Variants in RBM26 observed in about 807,000 individuals in gnomAD.
RBM26 encodes RNA-binding protein 26.
RBM26 carries 30 observed loss-of-function variants against 123.6 expected under a neutral mutation model. The ratio of observed to expected loss-of-function variants is 0.24; its 90% CI spans 0.18 to 0.33. The LOEUF (loss-of-function observed/expected upper bound fraction) is 0.33, where lower values mean the gene tolerates loss of function less well. Among genes scored for constraint, RBM26 ranks in the 10% least tolerant of loss-of-function variants. The probability of loss-of-function intolerance (pLI) is 1.00; values close to 1 mark genes in which losing one functional copy is unlikely to be tolerated. For synonymous variants in RBM26, 400 were observed against 404.4 expected, an observed-to-expected ratio of 0.99 and a Z score of 0.13; for missense variants, 947 against 1,203.6, an observed-to-expected ratio of 0.79 and a Z score of 3.15.
chr13:79,370,903 A>G, intron 5 of RBM26, 42 bp downstream of exon 5: 1 of 1,566,586 alleles, frequency 6.4e-7, no homozygotes, highest in Non-Finnish European at 8.7e-7. Flanking sequence ...ACATTTAAAC[A>G]TGGAGTTTTT....
intron 20 of RBM26, among the ~76,000 whole-genome samples, chr13:79,326,721 T>C (rs1046193538): frequency 2.6e-5 from 4 of 152,052 alleles, no homozygotes; most frequent in African/African-American, 9.7e-5. Flanking sequence ...ACTTAAATTA[T>C]CTCAGAAAGC....
chr13:79,386,590 T>TCAAAAAA (rs1566561287), intron 1 of RBM26, among the ~76,000 whole-genome samples: 5 of 22,114 alleles, frequency 2.3e-4, no homozygotes, highest in African/African-American at 3.1e-4. Flanking sequence ...AACTCTCTCT[T>TCAAAAAA]TAAAAAAAAA....
intron 9 of RBM26, 86 bp downstream of exon 9, chr13:79,365,492 T>C (rs2075166306): frequency 1.8e-6 from 2 of 1,088,240 alleles, no homozygotes; most frequent in African/African-American, 3.2e-5. Context: ...CCAACCCCAA[T>C]AAAGGCAAGA....
intron 6 of RBM26, among the ~76,000 whole-genome samples, chr13:79,367,514 T>A (rs1398531012): frequency 6.7e-6 from 1 of 148,484 alleles, no homozygotes; most frequent in Non-Finnish European, 1.5e-5. Context: ...GTCATGGGGG[T>A]AGATCCTTCA....
At chr13:79,345,813 G>A (rs770044938) in intron 14 of RBM26, among the ~76,000 whole-genome samples, 4 of 151,952 alleles carry the variant, frequency 2.6e-5, no homozygotes, top group African/African-American at 7.3e-5. Flanking sequence ...ATGACTATAG[G>A]TCAGAGTGGA....
Position 79,359,424 on chromosome 13 carries a change from T to A in RBM26, c.1529+151A>T, listed in dbSNP as rs1021612347. 5 of 465,450 alleles carry A rather than the reference T, an allele frequency of 1.1e-5. No individual in the cohort carries two copies. The South Asian group carries it at 1.5e-4, about 14-fold the overall frequency. 28.8% of individuals were successfully genotyped at this position (465,450 alleles called of 1,614,324 possible). A position where few individuals can be genotyped will look rare whatever the true frequency, so the allele number is the denominator to read the frequency against. ...GCTTTTCTAACATCAGACAACTAAC[T>A]TGCCAATTTTTAGAAAACTCACACT... On this transcript the variant is annotated intron_variant, in intron 10 of 21. Transcript: ENST00000438737.
intron 1 of RBM26, among the ~76,000 whole-genome samples, chr13:79,381,280 C>T (rs1209380844): frequency 6.6e-6 from 1 of 152,038 alleles, no homozygotes; most frequent in Admixed American, 6.6e-5. Flanking sequence ...CACTAGACTG[C>T]CTCTTACAAC....
At chr13:79,334,957 A>T (rs1189903300) in intron 19 of RBM26, among the ~76,000 whole-genome samples, 2 of 152,278 alleles carry the variant, frequency 1.3e-5, no homozygotes, top group East Asian at 3.9e-4. Context: ...GGTTTTGCTT[A>T]CTACACACTC....
chr13:79,394,777 G>A (rs1594731204), intron 1 of RBM26, among the ~76,000 whole-genome samples: 1 of 152,276 alleles, frequency 6.6e-6, no homozygotes, highest in East Asian at 1.9e-4. Context: ...GGGATTACAG[G>A]CACCCATAAC....
intron 1 of RBM26, among the ~76,000 whole-genome samples, chr13:79,390,403 A>G (rs1449047967): frequency 6.6e-6 from 1 of 152,180 alleles, no homozygotes; most frequent in African/African-American, 2.4e-5. Flanking sequence ...ACTAATATAT[A>G]GTGTAAAAAA....
Position 79,385,557 on chromosome 13 carries a change from C to G in RBM26, c.72-6650G>C, listed in dbSNP as rs559120569. 3.3e-5 allele frequency among the ~76,000 whole-genome samples: 5 copies of G among 152,272 alleles called. No homozygotes were observed. In the South Asian group the frequency reaches 1.0e-3, roughly 32 times the overall value. ...ATCTTACTTTTAGAACAGTGGTTCT[C>G]AAACTTTTTGGTATCAGGAGCCCTC... On this transcript the variant is annotated intron_variant, in intron 1 of 21. Coordinates refer to ENST00000438737, the MANE Select transcript of RBM26 (RefSeq NM_001366735.2).
At chr13:79,405,588 G>A in intron 1 of RBM26, 116 bp downstream of exon 1, 1 of 587,246 alleles carries the variant, frequency 1.7e-6, no homozygotes. Context: ...AGAACCCTGG[G>A]ACCTCCGTTC....
intron 16 of RBM26, among the ~76,000 whole-genome samples, chr13:79,343,285 A>T (rs993207374): frequency 4.6e-5 from 7 of 151,868 alleles, no homozygotes; most frequent in Non-Finnish European, 1.0e-4. Flanking sequence ...TATTAGAAAA[A>T]ATGAATGTTT....
intron 1 of RBM26, among the ~76,000 whole-genome samples, chr13:79,383,551 T>C (rs2077236262): frequency 6.6e-6 from 1 of 152,196 alleles, no homozygotes; most frequent in Admixed American, 6.5e-5. Flanking sequence ...TTAGTGATTA[T>C]CGTCCAAATA....
intron 1 of RBM26, among the ~76,000 whole-genome samples, chr13:79,397,757 G>A (rs1189192497): frequency 6.7e-6 from 1 of 149,738 alleles, no homozygotes; most frequent in Non-Finnish European, 1.5e-5. Flanking sequence ...TGATGAGATT[G>A]GTAGAAGAAA....
At chr13:79,401,763 C>T (rs576981316) in intron 1 of RBM26, among the ~76,000 whole-genome samples, 1 of 152,234 alleles carries the variant, frequency 6.6e-6, no homozygotes, top group African/African-American at 2.4e-5. Flanking sequence ...TCCTATTATA[C>T]CAATAAGGAA....
At chr13:79,320,799 C>G in intron 21 of RBM26, 89 bp from the exon 22 acceptor site, 1 of 1,280,258 alleles carries the variant, frequency 7.8e-7, no homozygotes, top group Non-Finnish European at 1.0e-6. Flanking sequence ...TCATCTCTCT[C>G]AACAGAGTTG....
At chr13:79,398,025 T>C (rs1349736919) in intron 1 of RBM26, among the ~76,000 whole-genome samples, 2 of 152,178 alleles carry the variant, frequency 1.3e-5, no homozygotes, top group Admixed American at 1.3e-4. Flanking sequence ...TAAAAGATAC[T>C]AATAAAACCC....
chr13:79,377,613 G>C (rs2076755070), intron 2 of RBM26, 98 bp from the exon 3 acceptor site: 2 of 975,220 alleles, frequency 2.1e-6, no homozygotes, highest in Middle Eastern at 3.1e-4. Context: ...AACATACCTT[G>C]ACTTTTATAA....
Sources: allele counts gnomAD v4.1 joint callset (sites outside exome capture counted in the v4.1 genomes callset), GRCh38; gene constraint gnomAD v4.1.1; transcripts MANE v1.5; gene names NCBI Gene and HGNC (gene_info 2026-07-23, HGNC 2026-07-21).